The following RALGAPA2 variants were observed in gnomAD, a reference collection of about 807,000 sequenced individuals.
The protein encoded by RALGAPA2 is ral GTPase-activating protein subunit alpha-2.
Under a neutral mutation model 230.4 loss-of-function variants are expected in RALGAPA2, and 139 were observed. The observed-to-expected ratio is 0.60, with a 90% CI of 0.53 to 0.69. The LOEUF (loss-of-function observed/expected upper bound fraction) is 0.69, where lower values mean the gene tolerates loss of function less well. Among genes scored for constraint, RALGAPA2 ranks in the 30% least tolerant of loss-of-function variants. RALGAPA2 has a pLI of 0.00. For missense variants in RALGAPA2, 2,163 were observed against 2,276.0 expected (o/e 0.95, Z 1.01); for synonymous variants, 847 against 837.8 (o/e 1.01, Z -0.19).
chr20:20,589,996 C>G (rs1405172051), intron 17 of RALGAPA2, among the ~76,000 whole-genome samples: 4 of 150,520 alleles, frequency 2.7e-5, no homozygotes, highest in African/African-American at 7.3e-5. Context: ...AATTTTTTAA[C>G]TTGACATATA....
At chr20:20,534,191 T>A (rs1273296472) in intron 26 of RALGAPA2, among the ~76,000 whole-genome samples, 1 of 152,164 alleles carries the variant, frequency 6.6e-6, no homozygotes, top group African/African-American at 2.4e-5. Context: ...ATGCCTGTAA[T>A]CCCAGCACTT....
chr20:20,688,145 A>T (rs1242481440), intron 1 of RALGAPA2, among the ~76,000 whole-genome samples: 3 of 152,130 alleles, frequency 2.0e-5, no homozygotes, highest in African/African-American at 7.2e-5. Context: ...TCTTATCATC[A>T]TCATCATTAT....
chr20:20,556,014 G>T (rs1328004510), intron 23 of RALGAPA2, among the ~76,000 whole-genome samples: 1 of 152,136 alleles, frequency 6.6e-6, no homozygotes, highest in African/African-American at 2.4e-5. Flanking sequence ...GTTTAAAATG[G>T]AAATGCCTGT....
intron 37 of RALGAPA2, among the ~76,000 whole-genome samples, chr20:20,426,911 G>A (rs965097039): frequency 1.3e-5 from 2 of 152,182 alleles, no homozygotes; most frequent in Admixed American, 1.3e-4. Flanking sequence ...AGTTTTATAG[G>A]CTCTATCTCA....
At chr20:20,656,525 G>A (rs1487476263) in intron 3 of RALGAPA2, among the ~76,000 whole-genome samples, 2 of 151,860 alleles carry the variant, frequency 1.3e-5, no homozygotes, top group African/African-American at 4.8e-5. Context: ...GCTGTTTCAA[G>A]GGAAAAAAAA....
Position 20,412,670 on chromosome 20 carries a change from A to G in RALGAPA2, c.5496-522T>C, listed in dbSNP as rs568276280. Among the ~76,000 whole-genome samples, 5 of 152,342 alleles carry G rather than the reference A, an allele frequency of 3.3e-5. No individual in the cohort carries two copies. The South Asian group carries it at 1.0e-3, about 32-fold the overall frequency. On this transcript the variant is annotated intron_variant, in intron 37 of 39. Coordinates refer to ENST00000202677, the MANE Select transcript of RALGAPA2 (RefSeq NM_020343.4). ...TGAGGGGGCATCAGAGCCTCTAACC[A>G]AGACAAGCTGTGAACATTGGAAAAT... is the stretch of plus-strand genomic sequence containing the variant.
At chr20:20,460,016 C>T (rs531297316) in intron 37 of RALGAPA2, among the ~76,000 whole-genome samples, 2 of 152,320 alleles carry the variant, frequency 1.3e-5, no homozygotes, top group South Asian at 4.1e-4. Context: ...CCTGAGGCCA[C>T]TCACCTCTGC....
intron 37 of RALGAPA2, among the ~76,000 whole-genome samples, chr20:20,453,519 G>A (rs1050954557): frequency 6.6e-6 from 1 of 152,200 alleles, no homozygotes; most frequent in African/African-American, 2.4e-5. Context: ...GATGGTTCCA[G>A]GTTTACCAAA....
chr20:20,650,979 C>A (rs6075687), intron 4 of RALGAPA2, among the ~76,000 whole-genome samples: 3,692 of 152,296 alleles, frequency 0.024, 76 homozygotes, highest in South Asian at 0.06. Context: ...AATCTGAATT[C>A]ATATGCCTGC....
chr20:20,638,951 C>A (rs917950513), intron 7 of RALGAPA2, among the ~76,000 whole-genome samples: 7 of 152,084 alleles, frequency 4.6e-5, no homozygotes, highest in Non-Finnish European at 8.8e-5. Context: ...AGGAGAATTG[C>A]CAGAGAAAAT....
chr20:20,652,749 A>G (rs1376534064), intron 4 of RALGAPA2, among the ~76,000 whole-genome samples: 1 of 152,224 alleles, frequency 6.6e-6, no homozygotes, highest in Non-Finnish European at 1.5e-5. Flanking sequence ...TGTGCTGTGT[A>G]TATTCAAGTG....
rs764520523 is a variant in RALGAPA2, at chr20:20,589,251, G to A, written c.2439+17C>T. 3.1e-5 allele frequency: 47 copies of A among 1,540,980 alleles called. No individual in the cohort carries two copies. Among genetic ancestry groups the A allele is most frequent in the Non-Finnish European group, 4.1e-5 (47 of 1,142,302 alleles). On this transcript the variant is annotated intron_variant, in intron 18 of 39. Transcript: ENST00000202677. The stretch of plus-strand genomic sequence containing the variant: ...TTATTTTTAATGACAAACTGAAATG[G>A]CTTGAAAATATCTTACTGTTATTCC...
At chr20:20,432,944 C>T (rs904371178) in intron 37 of RALGAPA2, among the ~76,000 whole-genome samples, 3 of 152,226 alleles carry the variant, frequency 2.0e-5, no homozygotes, top group African/African-American at 7.2e-5. Context: ...TCCGCTCCAG[C>T]TGTCTGGAGG....
chr20:20,696,148 T>A (rs562296063), intron 1 of RALGAPA2, among the ~76,000 whole-genome samples: 94 of 152,126 alleles, frequency 6.2e-4, no homozygotes, highest in Non-Finnish European at 1.3e-3. Context: ...ACAAAGTGTT[T>A]CCGTCCTGTC....
At chr20:20,564,073 T>C (rs2064339478) in intron 23 of RALGAPA2, among the ~76,000 whole-genome samples, 1 of 152,228 alleles carries the variant, frequency 6.6e-6, no homozygotes, top group Admixed American at 6.6e-5. Context: ...CTTAAAATGC[T>C]CTTGTGGTCA....
chr20:20,639,123 T>G (rs773567284), intron 7 of RALGAPA2, among the ~76,000 whole-genome samples: 6 of 152,076 alleles, frequency 3.9e-5, no homozygotes, highest in Non-Finnish European at 8.8e-5. Flanking sequence ...CAGCTAACAG[T>G]GGGTGTCAAA....
chr20:20,610,104 T>C (rs1448853870), intron 14 of RALGAPA2, among the ~76,000 whole-genome samples: 2 of 150,556 alleles, frequency 1.3e-5, no homozygotes, highest in Middle Eastern at 3.4e-3. Flanking sequence ...ACCCATATTC[T>C]AGATATGCTT....
intron 34 of RALGAPA2, among the ~76,000 whole-genome samples, chr20:20,504,181 T>C (rs1343334444): frequency 6.6e-6 from 1 of 152,216 alleles, no homozygotes; most frequent in African/African-American, 2.4e-5. Context: ...AAAACTCTAA[T>C]TGATAATGTA....
chr20:20,513,526 C>T (rs2062778963), intron 31 of RALGAPA2, among the ~76,000 whole-genome samples: 1 of 152,112 alleles, frequency 6.6e-6, no homozygotes, highest in Non-Finnish European at 1.5e-5. Context: ...TCAGGGAGGA[C>T]AATGCAGGCA....
Sources: gnomAD v4.1 joint callset for allele counts (sites outside exome capture counted in the v4.1 genomes callset) on GRCh38, gnomAD v4.1.1 for gene constraint, MANE v1.5 for transcripts, NCBI Gene and HGNC (gene_info 2026-07-23, HGNC 2026-07-21) for gene names.